Variants in LDLRAD3 observed in about 807,000 individuals in gnomAD.
The protein encoded by LDLRAD3 is low density lipoprotein receptor class A domain containing 3.
LDLRAD3 carries 20 observed loss-of-function variants against 29.4 expected under a neutral mutation model. The observed-to-expected ratio is 0.68, with a 90% confidence interval of 0.48 to 0.99. The LOEUF is 0.99. Ranked by LOEUF, LDLRAD3 falls within the 50% of genes least tolerant of loss-of-function variation. LDLRAD3 has a pLI of 0.00. For synonymous variants in LDLRAD3, 157 were observed against 192.7 expected (o/e 0.81, Z 1.53); for missense variants, 420 against 454.3 (o/e 0.92, Z 0.69).
At chr11:35,988,627 A>C (rs1277609557) in intron 1 of LDLRAD3, among the ~76,000 whole-genome samples, 1 of 151,910 alleles carries the variant, frequency 6.6e-6, no homozygotes, top group African/African-American at 2.4e-5. Flanking sequence ...TCTATCACCC[A>C]GGCTGGAGTG....
intron 4 of LDLRAD3, among the ~76,000 whole-genome samples, chr11:36,152,850 A>T (rs576378613): frequency 9.1e-4 from 139 of 152,340 alleles, no homozygotes; most frequent in Non-Finnish European, 1.5e-3. Context: ...GAGTACAAGT[A>T]TATGCTGAGT....
At chr11:36,125,762 G>A (rs1353167151) in intron 4 of LDLRAD3, among the ~76,000 whole-genome samples, 2 of 152,194 alleles carry the variant, frequency 1.3e-5, no homozygotes, top group East Asian at 1.9e-4. Context: ...TTATTTTGGT[G>A]GAGGTGGACA....
chr11:36,118,419 T>C (rs1853703433), intron 4 of LDLRAD3, among the ~76,000 whole-genome samples: 1 of 152,012 alleles, frequency 6.6e-6, no homozygotes, highest in Admixed American at 6.5e-5. Context: ...CTGCATGGCA[T>C]TGTATATGGT....
chr11:36,081,400 T>G (rs1853111325), intron 2 of LDLRAD3, among the ~76,000 whole-genome samples: 1 of 152,240 alleles, frequency 6.6e-6, no homozygotes. Context: ...ACATTTTGAT[T>G]GGCACCTGCT....
chr11:36,044,350 C>T (rs1852420367), intron 2 of LDLRAD3, among the ~76,000 whole-genome samples: 1 of 152,124 alleles, frequency 6.6e-6, no homozygotes, highest in Non-Finnish European at 1.5e-5. Flanking sequence ...TGAAGATCAG[C>T]TCTGAGTCTG....
At chr11:36,089,459 C>T (rs1245582561) in intron 3 of LDLRAD3, among the ~76,000 whole-genome samples, 5 of 150,704 alleles carry the variant, frequency 3.3e-5, no homozygotes, top group Admixed American at 2.0e-4. Context: ...GATGGAGTCT[C>T]GCTCTGTCTC....
chr11:36,027,518 C>T (rs1185759654), intron 1 of LDLRAD3, among the ~76,000 whole-genome samples: 1 of 152,182 alleles, frequency 6.6e-6, no homozygotes, highest in Non-Finnish European at 1.5e-5. Context: ...CCTTTGTGGC[C>T]TCTCCTTTGA....
At chr11:36,079,625 A>C (rs1853079590) in intron 2 of LDLRAD3, among the ~76,000 whole-genome samples, 1 of 152,216 alleles carries the variant, frequency 6.6e-6, no homozygotes, top group Non-Finnish European at 1.5e-5. Context: ...TAGCGAAAGT[A>C]CAAAAATATG....
At chr11:36,105,205 T>TTGTGTGTGTGTGTGTGTGTG (rs10565208) in intron 4 of LDLRAD3, among the ~76,000 whole-genome samples, 2 of 138,562 alleles carry the variant, frequency 1.4e-5, no homozygotes, top group East Asian at 2.2e-4. Context: ...TCTGCAGAAT[T>TTGTGTGTGTGTGTGTGTGTG]TGTGTGTGTG....
intron 2 of LDLRAD3, among the ~76,000 whole-genome samples, chr11:36,041,179 A>G (rs1169722218): frequency 6.6e-6 from 1 of 152,232 alleles, no homozygotes; most frequent in Non-Finnish European, 1.5e-5. Context: ...AGGAAGCTCC[A>G]TGGAAGTCCT....
intron 1 of LDLRAD3, among the ~76,000 whole-genome samples, chr11:35,958,525 C>T (rs756531317): frequency 2.6e-5 from 4 of 152,256 alleles, no homozygotes; most frequent in South Asian, 2.1e-4. Flanking sequence ...TCAGTCACCT[C>T]GAAGAATTGA....
intron 1 of LDLRAD3, among the ~76,000 whole-genome samples, chr11:35,998,353 G>A (rs746008699): frequency 6.6e-6 from 1 of 152,134 alleles, no homozygotes; most frequent in Non-Finnish European, 1.5e-5. Flanking sequence ...AGTGGCCAAT[G>A]AACATTGGAT....
chr11:36,139,861 T>C (rs540674117), intron 4 of LDLRAD3, among the ~76,000 whole-genome samples: 76 of 152,278 alleles, frequency 5.0e-4, no homozygotes, highest in African/African-American at 1.6e-3. Context: ...TCTCTTCCCC[T>C]GGAAGGCTTG....
At chr11:36,136,444 T>C (rs1458675087) in intron 4 of LDLRAD3, among the ~76,000 whole-genome samples, 1 of 152,182 alleles carries the variant, frequency 6.6e-6, no homozygotes, top group Non-Finnish European at 1.5e-5. Context: ...GGTGTTTGGA[T>C]CATGGGGGCG....
intron 1 of LDLRAD3, among the ~76,000 whole-genome samples, chr11:35,979,406 G>A (rs1019682099): frequency 6.6e-6 from 1 of 152,182 alleles, no homozygotes; most frequent in Non-Finnish European, 1.5e-5. Context: ...CTCTGAACTT[G>A]GAAAATGAAG....
intron 1 of LDLRAD3, chr11:35,997,661 G>GTTGAACT (rs1211452383): frequency 1.6e-5 from 3 of 186,612 alleles, no homozygotes; most frequent in Admixed American, 6.2e-5. Flanking sequence ...TCTTGTTGGG[G>GTTGAACT]TTGAACTTCA....
intron 2 of LDLRAD3, among the ~76,000 whole-genome samples, chr11:36,066,571 A>C (rs1852797263): frequency 6.6e-6 from 1 of 152,228 alleles, no homozygotes; most frequent in South Asian, 2.1e-4. Flanking sequence ...CAAATAGCCA[A>C]AATAAATAAC....
intron 2 of LDLRAD3, among the ~76,000 whole-genome samples, chr11:36,053,916 GT>G (rs1328738237): frequency 1.3e-5 from 2 of 150,002 alleles, no homozygotes; most frequent in Non-Finnish European, 3.0e-5. Context: ...CACAGACAAG[GT>G]GATGGATGGG....
At chr11:36,073,392 G>A (rs1036940372) in intron 2 of LDLRAD3, among the ~76,000 whole-genome samples, 1 of 152,222 alleles carries the variant, frequency 6.6e-6, no homozygotes, top group African/African-American at 2.4e-5. Flanking sequence ...CTTTGTCAGG[G>A]CTGCTTTAAA....
Sources: allele counts gnomAD v4.1 joint callset (sites outside exome capture counted in the v4.1 genomes callset), GRCh38; gene constraint gnomAD v4.1.1; transcripts MANE v1.5; gene names NCBI Gene and HGNC (gene_info 2026-07-23, HGNC 2026-07-21).